The following MACROD2 variants were observed in gnomAD, a reference collection of about 807,000 sequenced individuals.
MACROD2 encodes mono-ADP ribosylhydrolase 2, also known as ADP-ribose glycohydrolase MACROD2.
Under a neutral mutation model 70.4 loss-of-function variants are expected in MACROD2, and 36 were observed. The ratio of observed to expected loss-of-function variants is 0.51; its 90% CI spans 0.39 to 0.68. The LOEUF (loss-of-function observed/expected upper bound fraction) is 0.68, where lower values mean the gene tolerates loss of function less well. Among genes scored for constraint, MACROD2 ranks in the 30% least tolerant of loss-of-function variants. MACROD2 has a pLI of 0.00. For synonymous variants in MACROD2, 172 were observed against 178.8 expected (o/e 0.96, Z 0.30); for missense variants, 496 against 538.4 (o/e 0.92, Z 0.78).
rs149224892 is a variant in MACROD2, at chr20:15,161,115, C to T, written c.419-68825C>T. Among the ~76,000 whole-genome samples the T allele has an allele frequency of 4.6e-3, 704 of 152,036 alleles. 8 individuals are homozygous for T. The highest frequency in any genetic ancestry group is 0.01 in the Middle Eastern group (3 of 294). ...TCATTGCCATGTGGATTGGACATGT[C>T]AGTTCACCTCTCTGAGTCTCAGTTT... On this transcript the variant is annotated intron_variant, in intron 5 of 17. Coordinates refer to ENST00000684519, the MANE Select transcript of MACROD2 (RefSeq NM_001351661.2).
chr20:15,213,804 C>T (rs1267867251), intron 5 of MACROD2, among the ~76,000 whole-genome samples: 2 of 152,160 alleles, frequency 1.3e-5, no homozygotes, highest in Non-Finnish European at 2.9e-5. Flanking sequence ...CAGAAAGCCA[C>T]ATTTATCAGA....
intron 13 of MACROD2, among the ~76,000 whole-genome samples, chr20:15,986,142 T>G (rs1601278293): frequency 6.6e-6 from 1 of 152,212 alleles, no homozygotes; most frequent in African/African-American, 2.4e-5. Context: ...TCGGGGCTGG[T>G]GCCGGGCTGC....
At chr20:15,186,179 C>A (rs988710124) in intron 5 of MACROD2, among the ~76,000 whole-genome samples, 1 of 152,078 alleles carries the variant, frequency 6.6e-6, no homozygotes, top group African/African-American at 2.4e-5. Context: ...TATTGCTTCA[C>A]ATTTTGGGGG....
At chr20:15,489,083 A>T (rs1310933291) in intron 7 of MACROD2, among the ~76,000 whole-genome samples, 1 of 152,228 alleles carries the variant, frequency 6.6e-6, no homozygotes, top group Non-Finnish European at 1.5e-5. Flanking sequence ...TTTGCAGAGC[A>T]GAGGAAACAC....
At chr20:14,802,044 G>A (rs1381702369) in intron 5 of MACROD2, among the ~76,000 whole-genome samples, 1 of 152,020 alleles carries the variant, frequency 6.6e-6, no homozygotes, top group Non-Finnish European at 1.5e-5. Context: ...AATTATATAT[G>A]TCTTTATCAA....
At chr20:15,003,172 T>A (rs888039912) in intron 5 of MACROD2, among the ~76,000 whole-genome samples, 2 of 152,226 alleles carry the variant, frequency 1.3e-5, no homozygotes, top group African/African-American at 4.8e-5. Context: ...GTCTTCCATA[T>A]GGGCCAAACA....
intron 8 of MACROD2, among the ~76,000 whole-genome samples, chr20:15,533,196 T>C (rs2047827498): frequency 6.6e-6 from 1 of 152,206 alleles, no homozygotes; most frequent in Non-Finnish European, 1.5e-5. Flanking sequence ...AGTCAGCATT[T>C]CTCCCTAATG....
intron 6 of MACROD2, among the ~76,000 whole-genome samples, chr20:15,419,015 C>A (rs1296827551): frequency 6.6e-6 from 1 of 152,144 alleles, no homozygotes; most frequent in African/African-American, 2.4e-5. Context: ...ATAACAATAT[C>A]AAATGTCTTA....
intron 5 of MACROD2, among the ~76,000 whole-genome samples, chr20:15,209,372 A>G (rs920464867): frequency 1.3e-5 from 2 of 152,014 alleles, no homozygotes; most frequent in African/African-American, 2.4e-5. Context: ...CATCTGTTCA[A>G]TCCTAGTCCA....
At chr20:15,075,493 T>C (rs1190707176) in intron 5 of MACROD2, among the ~76,000 whole-genome samples, 1 of 152,148 alleles carries the variant, frequency 6.6e-6, no homozygotes, top group Non-Finnish European at 1.5e-5. Context: ...TAGGACAGAC[T>C]TCAGGGCTGT....
intron 3 of MACROD2, among the ~76,000 whole-genome samples, chr20:14,310,524 G>C (rs1008885709): frequency 2.0e-5 from 3 of 152,128 alleles, no homozygotes; most frequent in Admixed American, 2.0e-4. Flanking sequence ...ATGCTGCCAG[G>C]TGTATAAAAG....
intron 8 of MACROD2, among the ~76,000 whole-genome samples, chr20:15,578,282 G>A (rs535895106): frequency 2.8e-4 from 43 of 152,330 alleles, no homozygotes; most frequent in African/African-American, 9.9e-4. Context: ...TTCTGCATGG[G>A]TGGGACGTGT....
At chr20:15,716,649 C>T (rs78910506) in intron 8 of MACROD2, among the ~76,000 whole-genome samples, 5,813 of 152,220 alleles carry the variant, frequency 0.038, 145 homozygotes, top group Admixed American at 0.085. Context: ...TTCTTTTTCT[C>T]GCTCATCACA....
At chr20:15,367,096 C>T (rs1340493427) in intron 6 of MACROD2, among the ~76,000 whole-genome samples, 41 of 149,456 alleles carry the variant, frequency 2.7e-4, no homozygotes, top group Admixed American at 2.0e-3. Flanking sequence ...GGCATGATCT[C>T]GGCTCACTGT....
intron 3 of MACROD2, among the ~76,000 whole-genome samples, chr20:14,200,761 A>G (rs531635414): frequency 1.5e-4 from 23 of 152,274 alleles, no homozygotes; most frequent in Non-Finnish European, 2.9e-4. Flanking sequence ...AATCTTTGCT[A>G]ATGTGACAGC....
intron 6 of MACROD2, among the ~76,000 whole-genome samples, chr20:15,384,368 C>T (rs1231509632): frequency 6.6e-6 from 1 of 152,174 alleles, no homozygotes; most frequent in African/African-American, 2.4e-5. Flanking sequence ...TCAAGGGATC[C>T]TCCCACCTCA....
chr20:14,609,883 C>T (rs916502029), intron 4 of MACROD2, among the ~76,000 whole-genome samples: 1 of 152,124 alleles, frequency 6.6e-6, no homozygotes, highest in Non-Finnish European at 1.5e-5. Context: ...TCAGTATTTT[C>T]ATACACGAAA....
At chr20:15,061,042 A>G (rs975328174) in intron 5 of MACROD2, among the ~76,000 whole-genome samples, 1 of 152,180 alleles carries the variant, frequency 6.6e-6, no homozygotes, top group East Asian at 1.9e-4. Flanking sequence ...ATAAAAGTCA[A>G]GATGGTATGA....
chr20:14,504,218 G>A (rs1013400529), intron 4 of MACROD2, among the ~76,000 whole-genome samples: 36 of 152,156 alleles, frequency 2.4e-4, no homozygotes, highest in African/African-American at 5.6e-4. Flanking sequence ...AGAAATAATG[G>A]TAATAACTAA....
Sources: gnomAD v4.1 joint callset for allele counts (sites outside exome capture counted in the v4.1 genomes callset) on GRCh38, gnomAD v4.1.1 for gene constraint, MANE v1.5 for transcripts, NCBI Gene and HGNC (gene_info 2026-07-23, HGNC 2026-07-21) for gene names.